Variants in NAGS observed in about 807,000 individuals in gnomAD.
NAGS encodes the protein N-acetylglutamate synthase.
In NAGS, 34 loss-of-function variants were observed where a neutral mutation model predicts 46.9. That is an observed-to-expected ratio of 0.72 (90% CI 0.55 to 0.97). NAGS has a LOEUF of 0.97. Ranked by LOEUF, NAGS falls within the 50% of genes least tolerant of loss-of-function variation. The probability of loss-of-function intolerance (pLI) is 0.00; values close to 1 mark genes in which losing one functional copy is unlikely to be tolerated. For synonymous variants in NAGS, 334 were observed against 346.3 expected, an observed-to-expected ratio of 0.96 and a Z score of 0.39; for missense variants, 665 against 747.0, an observed-to-expected ratio of 0.89 and a Z score of 1.28.
In NAGS at chr17:44,007,772, T is replaced by A; in HGVS notation, c.1450T>A (p.Trp484Arg). 2.6e-6 allele frequency: 4 copies of A among 1,559,456 alleles called. No individual in the cohort carries two copies. Among genetic ancestry groups the A allele is most frequent in the Non-Finnish European group, 3.5e-6 (4 of 1,151,602 alleles). Residue 484 changes from tryptophan to arginine, a missense_variant and splice_region_variant, in exon 6 of 7, where the codon TGG (tryptophan) becomes AGG (arginine). Physicochemically the swap from Trp to Arg is moderately radical, Grantham distance 101. Coordinates refer to ENST00000293404, the MANE Select transcript of NAGS (RefSeq NM_153006.3). The surrounding 1 kb of genome is among the most constrained non-coding windows in gnomAD (Gnocchi z 5.1). ...CCGGGTCACCAACCCCATCAATCCC[T>A]GGTAGGTCCTGCCACTCCCAGCTCT... Reference protein sequence around the residue: ...RSRVTNPINPWYFKHSDGSFS... With the variant: ...RSRVTNPINPRYFKHSDGSFS...
In NAGS at chr17:44,006,830, G is replaced by T. The variant is rs1044540646; in HGVS notation, c.1096+121G>T. The T allele has an allele frequency of 6.3e-6, 7 of 1,109,240 alleles. No individual in the cohort carries two copies. The highest frequency in any genetic ancestry group is 8.8e-6 in the Non-Finnish European group (7 of 794,156). 68.7% of individuals were successfully genotyped at this position (1,109,240 alleles called of 1,614,324 possible). On this transcript the variant is annotated intron_variant, in intron 4 of 6. Transcript: ENST00000293404. This position sits in a 1 kb window ranked among gnomAD's most constrained non-coding sequence, Gnocchi z 4.8. ...CCAGGAGCCGTAGGGGGAGGCGGGG[G>T]GTGTCACAGCAATGGCTCCTGCTGC...
At position 44,006,365 on chromosome 17, in the gene NAGS, T is replaced by G. The variant is rs1484000259; in HGVS notation, c.915+128T>G. 1 of 1,450,586 alleles carries G rather than the reference T, an allele frequency of 6.9e-7. No individual in the cohort carries two copies. The highest frequency in any genetic ancestry group is 1.4e-5 in the African/African-American group (1 of 70,874). 89.9% of individuals were successfully genotyped at this position (1,450,586 alleles called of 1,614,324 possible). ...GTGGGTAGAAAAGCCTAAGGGAGTA[T>G]AGGGGAGGAGTTCAGCCCTGGGTGC... On this transcript the variant is annotated intron_variant, in intron 3 of 6. Transcript: ENST00000293404. The surrounding 1 kb of genome is among the most constrained non-coding windows in gnomAD (Gnocchi z 4.8).
rs2143984098 is a variant in NAGS, at chr17:44,005,942, C to A, written c.701+31C>A. 6.5e-7 allele frequency: 1 copy of A among 1,549,726 alleles called. No individual in the cohort carries two copies. The highest frequency in any genetic ancestry group is 8.7e-7 in the Non-Finnish European group (1 of 1,151,764). On this transcript the variant is annotated intron_variant, in intron 2 of 6. Coordinates refer to ENST00000293404, the MANE Select transcript of NAGS (RefSeq NM_153006.3). The surrounding 1 kb of genome is among the most constrained non-coding windows in gnomAD (Gnocchi z 7.2). Reference sequence around the variant, plus strand: ...TGCCCGCCCTGCCCGCCCAGGCGTCCTCAGAGCGTGCTACTCTGCCCGCCC... The same window carrying A: ...TGCCCGCCCTGCCCGCCCAGGCGTCATCAGAGCGTGCTACTCTGCCCGCCC...
chr17:44,005,972 C>T lies in NAGS; in HGVS notation c.702-52C>T. 3 of 1,557,778 alleles carry T rather than the reference C, an allele frequency of 1.9e-6. No homozygotes were observed. Among genetic ancestry groups the T allele is most frequent in the Non-Finnish European group, 2.6e-6 (3 of 1,155,006 alleles). ...AGCGTGCTACTCTGCCCGCCCTGCC[C>T]CGTCCGGCAGGCCTGGAGGGGGCCC... On this transcript the variant is annotated intron_variant, in intron 2 of 6. Coordinates refer to ENST00000293404, the MANE Select transcript of NAGS (RefSeq NM_153006.3). This position sits in a 1 kb window ranked among gnomAD's most constrained non-coding sequence, Gnocchi z 7.2.
chr17:44,006,261 C>A lies in NAGS; in HGVS notation c.915+24C>A, dbSNP rs1188997741. ...AGGTGCGGCCCTTTCTTTCACCTTC[C>A]CCCACGCCGGCGATCCGGGCCTTCT... On this transcript the variant is annotated intron_variant, in intron 3 of 6. Transcript: ENST00000293404. This position sits in a 1 kb window ranked among gnomAD's most constrained non-coding sequence, Gnocchi z 4.8. 3.1e-6 allele frequency: 5 copies of A among 1,610,466 alleles called. 1 individual carries two copies. In the South Asian group the frequency reaches 4.4e-5, roughly 14 times the overall value.
rs1251482640 is a variant in NAGS, at chr17:44,008,712, G to A, written c.*111G>A. ...ACAGGCTGAAGGGGGCTTGTTGGCT[G>A]AGTGATCTGCAGAGGAGAAAGCAGC... On this transcript the variant is annotated 3_prime_UTR_variant, in exon 7 of 7. Coordinates refer to ENST00000293404, the MANE Select transcript of NAGS (RefSeq NM_153006.3). 2 of 1,428,206 alleles carry A rather than the reference G, an allele frequency of 1.4e-6. No homozygotes were observed. Among genetic ancestry groups the A allele is most frequent in the East Asian group, 2.3e-5 (1 of 43,924 alleles). The allele number at this position is 1,428,206 out of a possible 1,614,324, so 88.5% of individuals were successfully genotyped here. A position where few individuals can be genotyped will look rare whatever the true frequency, so the allele number is the denominator to read the frequency against.
chr17:44,006,576 C>CG lies in NAGS; in HGVS notation c.964dup (p.Ala322GlyfsTer34). On this transcript the variant is annotated frameshift_variant, in exon 4 of 7. Transcript: ENST00000293404. LOFTEE classifies it high-confidence loss of function. This position sits in a 1 kb window ranked among gnomAD's most constrained non-coding sequence, Gnocchi z 4.8. ...CCGCCGACCTGGACCTGGTGTGCAA[C>CG]GCCGAGTGGGTGAGCACAAAAGAAC... 1 of 1,582,828 alleles carries CG rather than the reference C, an allele frequency of 6.3e-7. No homozygotes were observed. The highest frequency in any genetic ancestry group is 2.3e-5 in the East Asian group (1 of 43,418).
chr17:44,007,548 G>C lies in NAGS; in HGVS notation c.1269-43G>C, dbSNP rs1459215373. ...TCTGGGGGGCAGTCGGGCAGCTTCG[G>C]ACCAAGGAGAGGTCCCAGCCTGCCG... On this transcript the variant is annotated intron_variant, in intron 5 of 6. Transcript: ENST00000293404. The surrounding 1 kb of genome is among the most constrained non-coding windows in gnomAD (Gnocchi z 5.1). The C allele has an allele frequency of 6.2e-7, 1 of 1,612,610 alleles. No individual in the cohort carries two copies. Among genetic ancestry groups the C allele is most frequent in the South Asian group, 1.1e-5 (1 of 91,048 alleles).
intron 6 of NAGS, 130 bp from the exon 7 acceptor site, chr17:44,008,318 C>A: frequency 2.8e-6 from 3 of 1,076,096 alleles, no homozygotes; most frequent in South Asian, 2.5e-5. Context: ...AGATAACACA[C>A]AGCAGGACCA....
At position 44,004,946 on chromosome 17, in the gene NAGS, C is replaced by G; in HGVS notation, c.283C>G (p.Pro95Ala). Residue 95 changes from proline to alanine, a missense_variant, in exon 1 of 7, where the codon CCT becomes GCT. Transcript: ENST00000293404. ...RPPVPHESPE[P>A]PSGRSLVQRD... The stretch of plus-strand genomic sequence containing the variant: ...CCCGGTGCCCCACGAGTCCCCAGAG[C>G]CTCCTTCGGGCCGCTCGCTGGTGCA... 1 of 1,537,168 alleles carries G rather than the reference C, an allele frequency of 6.5e-7. No homozygotes were observed. Among genetic ancestry groups the G allele is most frequent in the Non-Finnish European group, 8.7e-7 (1 of 1,147,374 alleles).
At position 44,006,766 on chromosome 17, in the gene NAGS, T is replaced by G; in HGVS notation, c.1096+57T>G. 3 of 1,516,970 alleles carry G rather than the reference T, an allele frequency of 2.0e-6. No individual in the cohort carries two copies. Among genetic ancestry groups the G allele is most frequent in the South Asian group, 2.5e-5 (2 of 80,814 alleles). The allele number at this position is 1,516,970 out of a possible 1,614,324, so 94.0% of individuals were successfully genotyped here. A position where few individuals can be genotyped will look rare whatever the true frequency, so the allele number is the denominator to read the frequency against. ...CCCGGGAGTGAGTACTGGCCGGGGCTGGGTGTCTGCGGTCAGGAGGAGCGG... is the reference window on the plus strand; with the variant it reads ...CCCGGGAGTGAGTACTGGCCGGGGCGGGGTGTCTGCGGTCAGGAGGAGCGG... On this transcript the variant is annotated intron_variant, in intron 4 of 6. Transcript: ENST00000293404. This position sits in a 1 kb window ranked among gnomAD's most constrained non-coding sequence, Gnocchi z 4.8.
In NAGS at chr17:44,005,049, C is replaced by G. The variant is rs758823626; in HGVS notation, c.386C>G (p.Thr129Ser). The stretch of plus-strand genomic sequence containing the variant: ...CGCCACTGGCTCACGCAGTTCCAGA[C>G]CTGCCATCACTCCGCGGACAAGCCC... ...EARHWLTQFQTCHHSADKPFA... is the reference protein window; with the variant it reads ...EARHWLTQFQSCHHSADKPFA... Residue 129 changes from threonine (T) to serine (S), a missense_variant, in exon 1 of 7, where the codon ACC (threonine) becomes AGC (serine). Thr to Ser is a moderately conservative substitution (Grantham distance 58). Coordinates refer to ENST00000293404, the MANE Select transcript of NAGS (RefSeq NM_153006.3). The surrounding 1 kb of genome is among the most constrained non-coding windows in gnomAD (Gnocchi z 7.2). The G allele has an allele frequency of 9.8e-5, 154 of 1,572,412 alleles. No homozygotes were observed. In the Middle Eastern group the frequency reaches 1.3e-3, roughly 14 times the overall value.
At position 44,007,603 on chromosome 17, in the gene NAGS, C is replaced by T. The variant is rs371886833; in HGVS notation, c.1281C>T (p.Ala427=). 1 of 1,609,096 alleles carries T rather than the reference C, an allele frequency of 6.2e-7. No individual in the cohort carries two copies. Among genetic ancestry groups the T allele is most frequent in the Non-Finnish European group, 8.5e-7 (1 of 1,177,922 alleles). ...SIYVSEGYNA[A]AILTMEPVLG... is the part of the protein sequence containing the mutation. ...CCCGCTGCGCCAGGTACAACGCCGC[C>T]GCCATTCTGACCATGGAGCCCGTCC... The change falls in exon 6 of 7, where the codon GCC becomes GCT. Residue 427 remains alanine (A), a synonymous_variant. Transcript: ENST00000293404. This position sits in a 1 kb window ranked among gnomAD's most constrained non-coding sequence, Gnocchi z 5.1.
Position 44,007,809 on chromosome 17 carries a change from T to G in NAGS, c.1451+36T>G, listed in dbSNP as rs1392249975. The G allele has an allele frequency of 1.3e-6, 2 of 1,557,280 alleles. No individual in the cohort carries two copies. On this transcript the variant is annotated intron_variant, in intron 6 of 6. Coordinates refer to ENST00000293404, the MANE Select transcript of NAGS (RefSeq NM_153006.3). This position sits in a 1 kb window ranked among gnomAD's most constrained non-coding sequence, Gnocchi z 5.1. ...CCACTCCCAGCTCTGGGCTGGGCCCTGACTTCCCTCCCCTCTCCCACCCTT... is the reference window on the plus strand; with the variant it reads ...CCACTCCCAGCTCTGGGCTGGGCCCGGACTTCCCTCCCCTCTCCCACCCTT...
At position 44,008,439 on chromosome 17, in the gene NAGS, C is replaced by G. The variant is rs532143469; in HGVS notation, c.1452-9C>G. On this transcript the variant is annotated splice_polypyrimidine_tract_variant and intron_variant, in intron 6 of 6. Transcript: ENST00000293404. ...AAAACTGTTTCCTACATCACCTCCC[C>G]ACACCCAGGTACTTCAAACACAGTG... The G allele has an allele frequency of 1.7e-5, 27 of 1,614,236 alleles. No homozygotes were observed. The South Asian group carries it at 2.5e-4, about 15-fold the overall frequency.
chr17:44,007,490 G>A lies in NAGS; in HGVS notation c.1264G>A (p.Glu422Lys), dbSNP rs771540094. 1.2e-6 allele frequency: 2 copies of A among 1,613,644 alleles called. No homozygotes were observed. Among genetic ancestry groups the A allele is most frequent in the South Asian group, 1.1e-5 (1 of 91,072 alleles). ...GCGGCTGCACTCCATCTACGTCTCCGAGGGGTAAGCCTGCGGACCCCAGAG... is the reference window on the plus strand; with the variant it reads ...GCGGCTGCACTCCATCTACGTCTCCAAGGGGTAAGCCTGCGGACCCCAGAG... ...RPRLHSIYVS[E>K]GYNAAAILTM... is the part of the protein sequence containing the mutation. The change falls in exon 5 of 7, where the codon GAG (glutamate) becomes AAG (lysine). Residue 422 changes from glutamate (E) to lysine (K), a missense_variant. Transcript: ENST00000293404. This position sits in a 1 kb window ranked among gnomAD's most constrained non-coding sequence, Gnocchi z 5.1.
At position 44,008,429 on chromosome 17, in the gene NAGS, A is replaced by G. The variant is rs1252277633; in HGVS notation, c.1452-19A>G. 6.2e-7 allele frequency: 1 copy of G among 1,614,220 alleles called. No individual in the cohort carries two copies. The highest frequency in any genetic ancestry group is 1.1e-5 in the South Asian group (1 of 91,088). ...CCTTGCCCTAAAAACTGTTTCCTAC[A>G]TCACCTCCCCACACCCAGGTACTTC... On this transcript the variant is annotated intron_variant, in intron 6 of 6. Transcript: ENST00000293404.
Position 44,005,967 on chromosome 17 carries a change from C to T in NAGS, c.701+56C>T. ...CTCAGAGCGTGCTACTCTGCCCGCC[C>T]TGCCCCGTCCGGCAGGCCTGGAGGG... On this transcript the variant is annotated intron_variant, in intron 2 of 6. Transcript: ENST00000293404. This position sits in a 1 kb window ranked among gnomAD's most constrained non-coding sequence, Gnocchi z 7.2. 1 of 1,555,394 alleles carries T rather than the reference C, an allele frequency of 6.4e-7. No individual in the cohort carries two copies.
In NAGS at chr17:44,008,659, A is replaced by G; in HGVS notation, c.*58A>G. On this transcript the variant is annotated 3_prime_UTR_variant, in exon 7 of 7. Transcript: ENST00000293404. Reference sequence around the variant, plus strand: ...GCCAGGGTGGACCAAAAGCCATGCCAGCTGGGCATGACCCCAGGCAGCCAG... The same window carrying G: ...GCCAGGGTGGACCAAAAGCCATGCCGGCTGGGCATGACCCCAGGCAGCCAG... The G allele has an allele frequency of 6.2e-7, 1 of 1,607,568 alleles. No individual in the cohort carries two copies. The highest frequency in any genetic ancestry group is 1.1e-5 in the South Asian group (1 of 90,904).
Sources: gnomAD v4.1 joint callset for allele counts on GRCh38, gnomAD v4.1.1 for gene constraint, Gnocchi (gnomAD v3.1) non-coding constraint, MANE v1.5 for transcripts, NCBI Gene and HGNC (gene_info 2026-07-23, HGNC 2026-07-21) for gene names.